Variants in PEX13 observed in about 807,000 individuals in gnomAD.
PEX13 encodes peroxisome biogenesis factor 13.
Under a neutral mutation model 34.5 loss-of-function variants are expected in PEX13, and 28 were observed. The observed-to-expected ratio is 0.81, with a 90% CI of 0.60 to 1.11. PEX13 has a LOEUF of 1.11. PEX13 is among the 50% of genes most tolerant of loss of function. The pLI is 0.00. For synonymous variants in PEX13, 177 were observed against 175.1 expected (o/e 1.01, Z -0.09); for missense variants, 550 against 491.0 (o/e 1.12, Z -1.13).
At chr2:61,041,079 G>C (rs1268061580) in intron 2 of PEX13, among the ~76,000 whole-genome samples, 2 of 152,044 alleles carry the variant, frequency 1.3e-5, no homozygotes, top group African/African-American at 4.8e-5. Context: ...GGGAGGATGA[G>C]GCCTGCAGAT....
At chr2:61,036,884 C>T (rs978492504) in intron 2 of PEX13, among the ~76,000 whole-genome samples, 2 of 151,904 alleles carry the variant, frequency 1.3e-5, no homozygotes, top group Non-Finnish European at 2.9e-5. Context: ...TCAGGAGACC[C>T]ATCTCTTGTT....
rs748193136 is a variant in PEX13, at chr2:61,031,700, G to A, written c.374G>A (p.Ser125Asn). 2 of 1,614,114 alleles carry A rather than the reference G, an allele frequency of 1.2e-6. No homozygotes were observed. Among genetic ancestry groups the A allele is most frequent in the African/African-American group, 1.3e-5 (1 of 74,936 alleles). ...PSRFVQQAEESSRGAFQSIES... is the reference protein window; with the variant it reads ...PSRFVQQAEENSRGAFQSIES... ...AGATTTGTTCAGCAAGCTGAAGAAA[G>A]CAGCAGGGGTGCATTTCAGTCCATT... The change falls in exon 2 of 4, where the codon AGC becomes AAC. Residue 125 changes from serine to asparagine, a missense_variant. Physicochemically the swap from Ser to Asn is conservative, Grantham distance 46. Transcript: ENST00000295030.
chr2:61,036,080 G>C (rs1680529907), intron 2 of PEX13, among the ~76,000 whole-genome samples: 1 of 151,750 alleles, frequency 6.6e-6, no homozygotes. Context: ...CAAGATTAGA[G>C]AAAAAAGAGT....
intron 1 of PEX13, among the ~76,000 whole-genome samples, chr2:61,025,147 C>T (rs901278044): frequency 6.6e-6 from 1 of 151,716 alleles, no homozygotes; most frequent in Non-Finnish European, 1.5e-5. Context: ...CGGCTCATTG[C>T]AACCTCTGCC....
At chr2:61,041,784 AAGG>A (rs1185746382) in intron 2 of PEX13, among the ~76,000 whole-genome samples, 4 of 152,182 alleles carry the variant, frequency 2.6e-5, no homozygotes, top group Non-Finnish European at 5.9e-5. Context: ...GGCTAAAAGA[AAGG>A]AGTCAGTAGA....
chr2:61,028,322 G>A (rs1020862849), intron 1 of PEX13, among the ~76,000 whole-genome samples: 2 of 151,812 alleles, frequency 1.3e-5, no homozygotes, highest in South Asian at 2.1e-4. Flanking sequence ...AATAGGAGGC[G>A]AAATAAGAGT....
At chr2:61,019,091 C>G (rs1025011278) in intron 1 of PEX13, 1 of 152,194 alleles carries the variant, frequency 6.6e-6, no homozygotes, top group Non-Finnish European at 1.5e-5. Flanking sequence ...ATAGTGGTGA[C>G]TATTGTCCTT....
chr2:61,030,999 T>C (rs1487279966), intron 1 of PEX13, among the ~76,000 whole-genome samples: 1 of 152,154 alleles, frequency 6.6e-6, no homozygotes, highest in East Asian at 1.9e-4. Flanking sequence ...TTTTAAACTT[T>C]AAAGTGATGC....
chr2:61,023,106 G>A (rs1303694439), intron 1 of PEX13, among the ~76,000 whole-genome samples: 1 of 151,942 alleles, frequency 6.6e-6, no homozygotes, highest in East Asian at 1.9e-4. Flanking sequence ...CTGGGATTAA[G>A]TGGTCCTCCT....
intron 1 of PEX13, among the ~76,000 whole-genome samples, chr2:61,020,412 A>G (rs1301392296): frequency 6.6e-6 from 1 of 151,918 alleles, no homozygotes; most frequent in African/African-American, 2.4e-5. Context: ...TGTAAATATT[A>G]TGTACAGCAT....
At chr2:61,033,568 A>G (rs1036476787) in intron 2 of PEX13, among the ~76,000 whole-genome samples, 2 of 152,202 alleles carry the variant, frequency 1.3e-5, no homozygotes, top group Non-Finnish European at 2.9e-5. Flanking sequence ...GAAACAGTAA[A>G]TAAATAAGTA....
In PEX13 at chr2:61,048,484, A is replaced by C; in HGVS notation, c.926A>C (p.Lys309Thr). The C allele has an allele frequency of 6.2e-7, 1 of 1,613,708 alleles. No homozygotes were observed. The highest frequency in any genetic ancestry group is 8.5e-7 in the Non-Finnish European group (1 of 1,179,714). The change falls in exon 4 of 4, where the codon AAA (lysine) becomes ACA (threonine). Residue 309 changes from lysine (K) to threonine (T), a missense_variant. By Grantham distance (78) the Lys-to-Thr change is moderately conservative. Transcript: ENST00000295030. ...LNLALKEQQP[K>T]VRGWLLASLD... ...TTTTTTCCATCAGAACAACAACCCA[A>C]AGTGCGTGGTTGGCTTCTGGCTAGC... is the stretch of plus-strand genomic sequence containing the variant.
intron 1 of PEX13, chr2:61,018,326 C>A: frequency 6.5e-7 from 1 of 1,534,828 alleles, no homozygotes; most frequent in Admixed American, 2.0e-5. Flanking sequence ...AACTCAAGCC[C>A]CGTACACTTT....
At chr2:61,027,693 C>T (rs190147993) in intron 1 of PEX13, among the ~76,000 whole-genome samples, 1 of 152,188 alleles carries the variant, frequency 6.6e-6, no homozygotes, top group African/African-American at 2.4e-5. Flanking sequence ...GCCCTCCTTA[C>T]CATTTTACAT....
At chr2:61,029,947 G>A (rs921321812) in intron 1 of PEX13, among the ~76,000 whole-genome samples, 1 of 152,018 alleles carries the variant, frequency 6.6e-6, no homozygotes, top group African/African-American at 2.4e-5. Flanking sequence ...GATACTATAA[G>A]CTAGAGATGA....
At chr2:61,036,892 G>C (rs1475246788) in intron 2 of PEX13, among the ~76,000 whole-genome samples, 2 of 152,016 alleles carry the variant, frequency 1.3e-5, no homozygotes, top group African/African-American at 4.8e-5. Flanking sequence ...CCCATCTCTT[G>C]TTCAAAGACA....
intron 3 of PEX13, 36 bp downstream of exon 3, chr2:61,045,887 A>T (rs750597713): frequency 3.3e-6 from 5 of 1,528,836 alleles, no homozygotes; most frequent in Non-Finnish European, 3.6e-6. Flanking sequence ...TTATCTGTAA[A>T]TTTTGATATT....
chr2:61,027,394 G>C (rs557895396), intron 1 of PEX13, among the ~76,000 whole-genome samples: 2 of 151,526 alleles, frequency 1.3e-5, no homozygotes, highest in Admixed American at 1.3e-4. Context: ...GTTAGATTAA[G>C]GATATCACAC....
chr2:61,043,039 T>G (rs1439842876), intron 2 of PEX13, among the ~76,000 whole-genome samples: 1 of 152,206 alleles, frequency 6.6e-6, no homozygotes, highest in African/African-American at 2.4e-5. Context: ...CTCTCTCGCA[T>G]GCACTCTTTT....
Sources: allele counts gnomAD v4.1 joint callset (sites outside exome capture counted in the v4.1 genomes callset), GRCh38; gene constraint gnomAD v4.1.1; transcripts MANE v1.5; gene names NCBI Gene and HGNC (gene_info 2026-07-23, HGNC 2026-07-21).